The following USP15 variants were observed in gnomAD, a reference collection of about 807,000 sequenced individuals.
USP15 encodes ubiquitin specific peptidase 15.
In USP15, 18 loss-of-function variants were observed where a neutral mutation model predicts 127.1. That is an observed-to-expected ratio of 0.14 (90% CI 0.10 to 0.21). The LOEUF is 0.21. USP15 is among the 10% of genes least tolerant of loss of function. The pLI is 1.00. For missense variants in USP15, 805 were observed against 1,159.9 expected (o/e 0.69, Z 4.44); for synonymous variants, 364 against 393.7 (o/e 0.92, Z 0.89).
At chr12:62,377,978 G>A (rs1047636504) in intron 8 of USP15, among the ~76,000 whole-genome samples, 3 of 152,100 alleles carry the variant, frequency 2.0e-5, no homozygotes, top group Admixed American at 6.5e-5. Flanking sequence ...AAGCCAAGGC[G>A]GGCAGATCAC....
chr12:62,275,618 T>A (rs2063471482), intron 1 of USP15, among the ~76,000 whole-genome samples: 1 of 151,818 alleles, frequency 6.6e-6, no homozygotes, highest in Non-Finnish European at 1.5e-5. Flanking sequence ...ATACGAGAGT[T>A]GAGAGGTGAT....
rs183627353 is a variant in USP15 at position 62,388,325 on chromosome 12, G to A, written c.1474-1106G>A. On this transcript the variant is annotated intron_variant, in intron 11 of 21. Coordinates refer to ENST00000280377, the MANE Select transcript of USP15 (RefSeq NM_001252078.2). The stretch of plus-strand genomic sequence containing the variant: ...TTTTTTGTATTTTTGTAGCAACAGG[G>A]TTTTGCCATGTTATCCAGGCTGGTC... Among the ~76,000 whole-genome samples, 273 of 152,144 alleles carry A rather than the reference G, an allele frequency of 1.8e-3. 1 individual carries two copies. The highest frequency in any genetic ancestry group is 6.4e-3 in the African/African-American group (265 of 41,524).
rs990419935 is a variant in USP15, at chr12:62,306,483, T to G, written c.348+3563T>G. On this transcript the variant is annotated intron_variant, in intron 3 of 21. Coordinates refer to ENST00000280377, the MANE Select transcript of USP15 (RefSeq NM_001252078.2). ...AAGTGAGGAAAGTCTTACTGGAAAC[T>G]GGTAGAAAGTGGTCTTTGTTATACA... Among the ~76,000 whole-genome samples, 28 of 152,246 alleles carry G rather than the reference T, an allele frequency of 1.8e-4. 2 individuals carry two copies. The highest frequency in any genetic ancestry group is 1.6e-3 in the Admixed American group (25 of 15,272).
intron 8 of USP15, among the ~76,000 whole-genome samples, chr12:62,369,060 G>C (rs1354979885): frequency 5.3e-5 from 8 of 152,120 alleles, no homozygotes; most frequent in Admixed American, 3.9e-4. Context: ...AGTTTTAAAA[G>C]ACAGTACTTG....
rs181033179 is a variant in USP15 at position 62,271,404 on chromosome 12, T to C, written c.89+10901T>C. On this transcript the variant is annotated intron_variant, in intron 1 of 21. Transcript: ENST00000280377. ...GCTATATTAATATTTATGATAATTT[T>C]CTTTAGGTGCTTGTTTTGATGGTAT... Among the ~76,000 whole-genome samples the C allele has an allele frequency of 1.3e-3, 200 of 152,150 alleles. 4 individuals are homozygous for C. In the Middle Eastern group the frequency reaches 0.014, roughly 10 times the overall value.
At chr12:62,377,247 G>A (rs2066859997) in intron 8 of USP15, among the ~76,000 whole-genome samples, 1 of 152,008 alleles carries the variant, frequency 6.6e-6, no homozygotes, top group African/African-American at 2.4e-5. Context: ...ATAAATTATT[G>A]TTGACTGAAA....
intron 6 of USP15, chr12:62,335,259 G>T: frequency 6.6e-7 from 1 of 1,521,898 alleles, no homozygotes; most frequent in South Asian, 1.2e-5. Flanking sequence ...TCCACAGACT[G>T]ACCAGTCAAC....
chr12:62,413,677 G>A lies in USP15; in HGVS notation c.*9302G>A, dbSNP rs1383432576. On this transcript the variant is annotated 3_prime_UTR_variant, in exon 22 of 22. Transcript: ENST00000280377. ...GAGAGAGGGCCTTGCTCTGCGTTAG[G>A]CTTTGGCTTAAGATAGTGTTGTGGC... The A allele has an allele frequency of 1.3e-5, 2 of 151,814 alleles. No individual in the cohort carries two copies. Among genetic ancestry groups the A allele is most frequent in the African/African-American group, 4.8e-5 (2 of 41,276 alleles). The allele number at this position is 151,814 out of a possible 1,614,324, so 9.4% of individuals were successfully genotyped here. A position where few individuals can be genotyped will look rare whatever the true frequency, so the allele number is the denominator to read the frequency against.
At position 62,366,966 on chromosome 12, in the gene USP15, G is replaced by T. The variant is rs547557265; in HGVS notation, c.915+11491G>T. Among the ~76,000 whole-genome samples, 14 of 152,194 alleles carry T rather than the reference G, an allele frequency of 9.2e-5. No homozygotes were observed. In the South Asian group the frequency reaches 1.7e-3, roughly 18 times the overall value. ...ATTCGGTTTGCCAGTATTTTCTTGA[G>T]GATTTTCACGTCGATGTTCATCAGG... On this transcript the variant is annotated intron_variant, in intron 8 of 21. Transcript: ENST00000280377.
At position 62,349,274 on chromosome 12, in the gene USP15, T is replaced by C; in HGVS notation, c.737T>C (p.Leu246Pro). The change falls in exon 7 of 22, where the codon CTA becomes CCA. Residue 246 changes from leucine to proline, a missense_variant. Leu to Pro is a moderately conservative substitution (Grantham distance 98). Around this residue, in one of 11 missense-constraint regions of USP15, gnomAD observed 84 missense variants for 107.7 expected, o/e 0.78. Transcript: ENST00000280377. The part of the protein sequence containing the change: ...STLPKISPSS[L>P]SNNYNNMNNR... ...TTACCAAAGATCTCTCCTTCATCTC[T>C]ATCAAATAATTATAACAACATGAAC... is the stretch of plus-strand genomic sequence containing the variant. 3 of 1,504,322 alleles carry C rather than the reference T, an allele frequency of 2.0e-6. No homozygotes were observed. The highest frequency in any genetic ancestry group is 2.1e-5 in the Admixed American group (1 of 48,076). The allele number at this position is 1,504,322 out of a possible 1,614,324, so 93.2% of individuals were successfully genotyped here.
chr12:62,346,063 A>G (rs2065807533), intron 6 of USP15, among the ~76,000 whole-genome samples: 2 of 152,178 alleles, frequency 1.3e-5, no homozygotes, highest in African/African-American at 4.8e-5. Context: ...CCTAACGTAA[A>G]AGAGAAAAAA....
At chr12:62,338,143 T>G (rs946863498) in intron 6 of USP15, among the ~76,000 whole-genome samples, 1 of 152,192 alleles carries the variant, frequency 6.6e-6, no homozygotes, top group Non-Finnish European at 1.5e-5. Flanking sequence ...CCAGCATCTT[T>G]TGTTTCCTGA....
intron 5 of USP15, among the ~76,000 whole-genome samples, 182 bp from the exon 6 acceptor site, chr12:62,325,690 T>G (rs2065105208): frequency 6.6e-6 from 1 of 152,110 alleles, no homozygotes; most frequent in African/African-American, 2.4e-5. Context: ...TTATTTGAGG[T>G]CTTTTAGTCT....
rs1787287290 is a variant in USP15, at chr12:62,408,719, G to A, written c.*4344G>A. The A allele has an allele frequency of 6.6e-6, 1 of 151,924 alleles. No individual in the cohort carries two copies. Among genetic ancestry groups the A allele is most frequent in the African/African-American group, 2.4e-5 (1 of 41,386 alleles). The allele number at this position is 151,924 out of a possible 1,614,324, so 9.4% of individuals were successfully genotyped here. A position where few individuals can be genotyped will look rare whatever the true frequency, so the allele number is the denominator to read the frequency against. Reference sequence around the variant, plus strand: ...AAAAGGTGAGTGTATTTATATCCTTGCTAGTTTTTGTTATATATTCAGTTG... The same window carrying A: ...AAAAGGTGAGTGTATTTATATCCTTACTAGTTTTTGTTATATATTCAGTTG... On this transcript the variant is annotated 3_prime_UTR_variant, in exon 22 of 22. Transcript: ENST00000280377.
At chr12:62,369,165 A>G (rs2066581815) in intron 8 of USP15, among the ~76,000 whole-genome samples, 1 of 152,216 alleles carries the variant, frequency 6.6e-6, no homozygotes, top group Non-Finnish European at 1.5e-5. Flanking sequence ...AATGTCATGG[A>G]AGCAAAGTTC....
chr12:62,374,789 T>C (rs1183717990), intron 8 of USP15, among the ~76,000 whole-genome samples: 1 of 152,124 alleles, frequency 6.6e-6, no homozygotes, highest in East Asian at 1.9e-4. Context: ...GTAGAAGTAC[T>C]TTCTGAAAAT....
At position 62,277,997 on chromosome 12, in the gene USP15, CT is replaced by C. The variant is rs550762005; in HGVS notation, c.90-16180del. Among the ~76,000 whole-genome samples the C allele has an allele frequency of 2.6e-3, 390 of 152,284 alleles. 2 individuals are homozygous for C. Among genetic ancestry groups the C allele is most frequent in the Non-Finnish European group, 4.5e-3 (303 of 68,016 alleles). On this transcript the variant is annotated intron_variant, in intron 1 of 21. Transcript: ENST00000280377. ...TGTTTTTGACTCGTTTGTTATAACA[CT>C]TGGTTTAAAACACCAATACATTATA...
At chr12:62,272,802 T>C (rs1183683072) in intron 1 of USP15, among the ~76,000 whole-genome samples, 1 of 152,098 alleles carries the variant, frequency 6.6e-6, no homozygotes, top group East Asian at 1.9e-4. Context: ...TCAGAATATT[T>C]AGCACCATAC....
At chr12:62,394,851 CAAA>C (rs751952712) in intron 19 of USP15, among the ~76,000 whole-genome samples, 2 of 95,234 alleles carry the variant, frequency 2.1e-5, no homozygotes. Flanking sequence ...GACTCCCTCT[CAAA>C]AAAAAAAAAA....
Sources: allele counts gnomAD v4.1 joint callset (sites outside exome capture counted in the v4.1 genomes callset), GRCh38; gene constraint gnomAD v4.1.1; regional missense constraint gnomAD v4.1.1; transcripts MANE v1.5; gene names NCBI Gene and HGNC (gene_info 2026-07-23, HGNC 2026-07-21).